The following KLF12 variants were observed in gnomAD, a reference collection of about 807,000 sequenced individuals.
KLF12 encodes the protein Krueppel-like factor 12.
A neutral mutation model predicts 37.8 loss-of-function variants in KLF12; 9 were observed. That is an observed-to-expected ratio of 0.24 (90% CI 0.14 to 0.42). The LOEUF (loss-of-function observed/expected upper bound fraction) is 0.42. Ranked by LOEUF, KLF12 falls within the 10% of genes least tolerant of loss-of-function variation. The pLI is 1.00. For missense variants in KLF12, 411 were observed against 516.0 expected (o/e 0.80, Z 1.97); for synonymous variants, 208 against 202.1 (o/e 1.03, Z -0.25).
At chr13:74,278,826 GAGA>G in the KLF12 span, among the ~76,000 whole-genome samples, 1 of 152,184 alleles carries the variant, frequency 6.6e-6, no homozygotes, top group African/African-American at 2.4e-5. Context: ...CCAAAACAGA[GAGA>G]AGATCTTATG....
the KLF12 span, among the ~76,000 whole-genome samples, chr13:74,274,354 C>A: frequency 2.6e-4 from 40 of 152,116 alleles, no homozygotes; most frequent in South Asian, 2.1e-4. Context: ...AAAAATATTG[C>A]AGTGCTTCTT....
intron 3 of KLF12, among the ~76,000 whole-genome samples, chr13:73,889,111 C>T (rs1025140155): frequency 1.8e-4 from 27 of 152,224 alleles, no homozygotes; most frequent in Admixed American, 1.4e-3. Context: ...GTAGAATCCA[C>T]GGGAGTGTGT....
chr13:73,813,420 T>C, intron 4 of KLF12, 133 bp from the exon 5 acceptor site: 1 of 969,022 alleles, frequency 1.0e-6, no homozygotes, highest in South Asian at 1.6e-5. Context: ...CAGGAATCAG[T>C]GAAAGCTCCA....
intron 5 of KLF12, among the ~76,000 whole-genome samples, chr13:73,768,812 AGGT>A (rs1880095660): frequency 6.6e-6 from 1 of 152,202 alleles, no homozygotes; most frequent in South Asian, 2.1e-4. Context: ...GGGGTCACGT[AGGT>A]AGTAAAGAGA....
intron 7 of KLF12, among the ~76,000 whole-genome samples, chr13:73,712,338 C>CAA (rs752694466): frequency 0.016 from 687 of 41,828 alleles, 34 homozygotes; most frequent in African/African-American, 0.049. Context: ...AACTCCATGT[C>CAA]AAAAAAAAAA....
At chr13:74,084,938 T>C (rs182138943) in intron 1 of KLF12, among the ~76,000 whole-genome samples, 14 of 152,190 alleles carry the variant, frequency 9.2e-5, no homozygotes, top group Non-Finnish European at 1.3e-4. Flanking sequence ...GGAGGTTTTG[T>C]TGGTTTTTTT....
chr13:73,839,218 A>G (rs1219320127), intron 4 of KLF12, among the ~76,000 whole-genome samples: 5 of 150,044 alleles, frequency 3.3e-5, no homozygotes, highest in African/African-American at 1.2e-4. Flanking sequence ...TCAGGCTCCT[A>G]AGTACCTGGG....
intron 1 of KLF12, among the ~76,000 whole-genome samples, chr13:74,089,946 G>A (rs1754456764): frequency 6.6e-6 from 1 of 151,854 alleles, no homozygotes; most frequent in African/African-American, 2.4e-5. Flanking sequence ...TTCTAGCCAG[G>A]ATAGTAAGGC....
chr13:73,920,755 T>C (rs1156639851), intron 3 of KLF12, among the ~76,000 whole-genome samples: 1 of 152,100 alleles, frequency 6.6e-6, no homozygotes, highest in Non-Finnish European at 1.5e-5. Flanking sequence ...GTCATCTCTC[T>C]CTCTCCTGTT....
chr13:74,249,468 T>C, the KLF12 span, among the ~76,000 whole-genome samples: 2 of 151,946 alleles, frequency 1.3e-5, no homozygotes, highest in African/African-American at 4.8e-5. Context: ...GTCCAGATCA[T>C]GAGTTTGGAT....
intron 1 of KLF12, among the ~76,000 whole-genome samples, chr13:74,032,789 G>A (rs1893147821): frequency 6.6e-6 from 1 of 151,984 alleles, no homozygotes; most frequent in Admixed American, 6.5e-5. Context: ...CTTCTTCTTT[G>A]CTGCTGGCAG....
At chr13:73,712,611 T>A (rs1319384968) in intron 7 of KLF12, among the ~76,000 whole-genome samples, 2 of 152,220 alleles carry the variant, frequency 1.3e-5, no homozygotes, top group Non-Finnish European at 2.9e-5. Context: ...GGGTAAAATG[T>A]TATGAAACAG....
In KLF12 at chr13:73,692,589, G is replaced by A. The variant is rs1593961457; in HGVS notation, c.*2901C>T. 6.5e-6 allele frequency: 1 copy of A among 152,722 alleles called. No homozygotes were observed. The highest frequency in any genetic ancestry group is 1.5e-5 in the Non-Finnish European group (1 of 68,018). The allele number at this position is 152,722 out of a possible 1,614,324, so 9.5% of individuals were successfully genotyped here. A position where few individuals can be genotyped will look rare whatever the true frequency, so the allele number is the denominator to read the frequency against. ...TGCTTTTTGAAAGAGGCTAGAAATG[G>A]ACATGAGATGAAATGGAGGCTCTTC... On this transcript the variant is annotated 3_prime_UTR_variant, in exon 8 of 8. Transcript: ENST00000377669.
intron 1 of KLF12, among the ~76,000 whole-genome samples, chr13:74,114,443 T>C (rs1877166189): frequency 1.3e-5 from 2 of 152,332 alleles, no homozygotes; most frequent in South Asian, 2.1e-4. Flanking sequence ...ACTTGCTTTA[T>C]TGAGATATTT....
intron 5 of KLF12, among the ~76,000 whole-genome samples, chr13:73,797,330 A>G (rs1882035079): frequency 1.3e-5 from 2 of 152,144 alleles, no homozygotes; most frequent in African/African-American, 4.8e-5. Context: ...TCTTAGCTAC[A>G]TTATTCAGTT....
the KLF12 span, among the ~76,000 whole-genome samples, chr13:74,203,001 T>C: frequency 6.6e-6 from 1 of 152,148 alleles, no homozygotes; most frequent in African/African-American, 2.4e-5. Flanking sequence ...CTTAAAGTTA[T>C]TTAAACGTTG....
chr13:73,727,498 T>C (rs1876747717), intron 6 of KLF12, among the ~76,000 whole-genome samples: 1 of 152,188 alleles, frequency 6.6e-6, no homozygotes, highest in Admixed American at 6.5e-5. Flanking sequence ...ACAAAACCAA[T>C]TTACCATAAA....
rs147134742 is a variant in KLF12, at chr13:74,045,003, T to C, written c.-31-49950A>G. Among the ~76,000 whole-genome samples, 454 of 152,296 alleles carry C rather than the reference T, an allele frequency of 3.0e-3. 2 individuals are homozygous for C. The highest frequency in any genetic ancestry group is 4.7e-3 in the Non-Finnish European group (317 of 68,024). On this transcript the variant is annotated intron_variant, in intron 1 of 7. Coordinates refer to ENST00000377669, the MANE Select transcript of KLF12 (RefSeq NM_007249.5). ...AAAAATGATGTGATAGGTAGGTAGA[T>C]AGATAAGGGGGATGAGACAAATCTC...
chr13:74,015,242 G>C (rs891232245), intron 1 of KLF12, among the ~76,000 whole-genome samples: 1 of 152,018 alleles, frequency 6.6e-6, no homozygotes, highest in Non-Finnish European at 1.5e-5. Flanking sequence ...AAACTTAAAA[G>C]GTGTATGTGT....
Sources: allele counts gnomAD v4.1 joint callset (sites outside exome capture counted in the v4.1 genomes callset), GRCh38; gene constraint gnomAD v4.1.1; transcripts MANE v1.5; gene names NCBI Gene and HGNC (gene_info 2026-07-23, HGNC 2026-07-21).